VWC2L: variants seen among roughly 807,000 people sequenced by gnomAD.
VWC2L encodes the protein von Willebrand factor C domain containing 2 like, also known as von Willebrand factor C domain-containing protein 2-like.
In VWC2L, 10 loss-of-function variants were observed where a neutral mutation model predicts 21.6. The ratio of observed to expected loss-of-function variants is 0.46; its 90% CI spans 0.29 to 0.78. The LOEUF is 0.78. VWC2L is among the 30% of genes least tolerant of loss of function. The pLI is 0.10. For synonymous variants in VWC2L, 96 were observed against 94.3 expected, an observed-to-expected ratio of 1.02 and a Z score of -0.10; for missense variants, 209 against 277.1, an observed-to-expected ratio of 0.75 and a Z score of 1.74.
chr2:214,412,871 A>G (rs556994218), intron 1 of VWC2L, among the ~76,000 whole-genome samples: 4 of 152,220 alleles, frequency 2.6e-5, no homozygotes, highest in Non-Finnish European at 5.9e-5. Flanking sequence ...TGTCCTGTAT[A>G]CCATCTTAGT....
intron 3 of VWC2L, among the ~76,000 whole-genome samples, chr2:214,479,852 A>G (rs1433341929): frequency 6.6e-6 from 1 of 152,202 alleles, no homozygotes; most frequent in African/African-American, 2.4e-5. Context: ...ATAAGATTGT[A>G]TTAGTTTTTA....
chr2:214,531,547 G>GTCT (rs1243096913), intron 3 of VWC2L, among the ~76,000 whole-genome samples: 1 of 152,128 alleles, frequency 6.6e-6, no homozygotes, highest in Non-Finnish European at 1.5e-5. Context: ...CAAGTAAAGT[G>GTCT]TTCTGTTTTT....
intron 3 of VWC2L, among the ~76,000 whole-genome samples, chr2:214,503,817 T>C (rs559216032): frequency 3.3e-5 from 5 of 152,328 alleles, no homozygotes; most frequent in African/African-American, 1.2e-4. Context: ...AGTATGTTGC[T>C]TTTTGTTATA....
chr2:214,576,276 A>T lies in VWC2L; in HGVS notation c.*456A>T, dbSNP rs530557747. ...AATTTGACTGCACAGTAAAGTTTTGAGTTGTGTAAAAAAAAAAGTTTGGTA... is the reference window on the plus strand; with the variant it reads ...AATTTGACTGCACAGTAAAGTTTTGTGTTGTGTAAAAAAAAAAGTTTGGTA... On this transcript the variant is annotated 3_prime_UTR_variant, in exon 4 of 4. Coordinates refer to ENST00000312504, the MANE Select transcript of VWC2L (RefSeq NM_001080500.4). The T allele has an allele frequency of 6.6e-6, 1 of 152,108 alleles. No individual in the cohort carries two copies. The highest frequency in any genetic ancestry group is 6.5e-5 in the Admixed American group (1 of 15,274). 9.4% of individuals were successfully genotyped at this position (152,108 alleles called of 1,614,324 possible).
At chr2:214,530,973 A>T (rs904077223) in intron 3 of VWC2L, among the ~76,000 whole-genome samples, 3 of 152,194 alleles carry the variant, frequency 2.0e-5, no homozygotes, top group Non-Finnish European at 4.4e-5. Flanking sequence ...AATGTCAACA[A>T]TGGGGGTGGT....
chr2:214,511,781 A>C (rs373602724), intron 3 of VWC2L, among the ~76,000 whole-genome samples: 1 of 151,218 alleles, frequency 6.6e-6, no homozygotes, highest in East Asian at 1.9e-4. Context: ...TTAAACTGAA[A>C]GTGTAAGAAA....
intron 3 of VWC2L, among the ~76,000 whole-genome samples, chr2:214,467,425 C>T (rs946805172): frequency 2.6e-5 from 4 of 152,132 alleles, no homozygotes; most frequent in African/African-American, 9.7e-5. Context: ...CAGAAGTCAT[C>T]TGATTTTCCC....
chr2:214,511,092 G>C (rs1689044161), intron 3 of VWC2L, among the ~76,000 whole-genome samples: 1 of 151,834 alleles, frequency 6.6e-6, no homozygotes, highest in African/African-American at 2.4e-5. Context: ...TCTGAGACCA[G>C]CCCAGGCAAG....
At chr2:214,545,102 A>C (rs1689684821) in intron 3 of VWC2L, among the ~76,000 whole-genome samples, 1 of 152,196 alleles carries the variant, frequency 6.6e-6, no homozygotes, top group Admixed American at 6.6e-5. Flanking sequence ...AATTATAGGA[A>C]AACTACCATG....
intron 3 of VWC2L, among the ~76,000 whole-genome samples, chr2:214,438,575 A>G (rs1702716252): frequency 6.6e-6 from 1 of 152,072 alleles, no homozygotes; most frequent in Non-Finnish European, 1.5e-5. Flanking sequence ...TGTAAAGCAT[A>G]CGTTTAAAAC....
chr2:214,421,153 A>C (rs1184331395), intron 2 of VWC2L, among the ~76,000 whole-genome samples: 1 of 152,258 alleles, frequency 6.6e-6, no homozygotes, highest in African/African-American at 2.4e-5. Flanking sequence ...CACCCACAAA[A>C]GTACACTAAA....
At chr2:214,548,348 G>T (rs974973341) in intron 3 of VWC2L, among the ~76,000 whole-genome samples, 1 of 152,052 alleles carries the variant, frequency 6.6e-6, no homozygotes, top group African/African-American at 2.4e-5. Flanking sequence ...TAGGATCTGC[G>T]TGGGCATTTA....
intron 3 of VWC2L, among the ~76,000 whole-genome samples, chr2:214,449,875 C>G (rs1702927791): frequency 6.6e-6 from 1 of 152,258 alleles, no homozygotes; most frequent in Admixed American, 6.5e-5. Flanking sequence ...TCTTTCCTTC[C>G]TTTTACCCAT....
intron 3 of VWC2L, among the ~76,000 whole-genome samples, chr2:214,471,879 A>G (rs1252832272): frequency 6.6e-6 from 1 of 152,206 alleles, no homozygotes; most frequent in East Asian, 1.9e-4. Flanking sequence ...ACCCAGCTCC[A>G]ATGGGCTTAA....
intron 2 of VWC2L, among the ~76,000 whole-genome samples, chr2:214,434,917 A>C (rs1702656123): frequency 6.6e-6 from 1 of 152,202 alleles, no homozygotes; most frequent in South Asian, 2.1e-4. Context: ...ACCAGAAAGA[A>C]TAAACAATGC....
At chr2:214,422,081 G>A (rs1036486831) in intron 2 of VWC2L, among the ~76,000 whole-genome samples, 2 of 150,736 alleles carry the variant, frequency 1.3e-5, no homozygotes, top group African/African-American at 4.9e-5. Context: ...GTAGAGACGG[G>A]GTTTCACCGT....
chr2:214,560,913 C>G (rs1228305836), intron 3 of VWC2L, among the ~76,000 whole-genome samples: 2 of 152,148 alleles, frequency 1.3e-5, no homozygotes, highest in East Asian at 3.8e-4. Context: ...CAGAATTTCT[C>G]CTCAGAAATG....
At chr2:214,480,864 C>CAAAAAAAAAAAAAAAAAAA (rs59720596) in intron 3 of VWC2L, among the ~76,000 whole-genome samples, 7 of 71,756 alleles carry the variant, frequency 9.8e-5, no homozygotes, top group African/African-American at 3.8e-4. Context: ...TATGCCAAGC[C>CAAAAAAAAAAAAAAAAAAA]AAAAAAAAAA....
At chr2:214,434,967 C>G (rs777448054) in intron 2 of VWC2L, among the ~76,000 whole-genome samples, 9 of 152,058 alleles carry the variant, frequency 5.9e-5, no homozygotes, top group Non-Finnish European at 1.2e-4. Context: ...CTTCCTTTTT[C>G]CCCCATACTG....
Sources: gnomAD v4.1 joint callset for allele counts (sites outside exome capture counted in the v4.1 genomes callset) on GRCh38, gnomAD v4.1.1 for gene constraint, MANE v1.5 for transcripts, NCBI Gene and HGNC (gene_info 2026-07-23, HGNC 2026-07-21) for gene names.